HMCN1: variants seen among roughly 807,000 people sequenced by gnomAD.
HMCN1 encodes the protein hemicentin 1.
A neutral mutation model predicts 625.9 loss-of-function variants in HMCN1; 321 were observed. The observed-to-expected ratio is 0.51, with a 90% CI of 0.47 to 0.56. The LOEUF (loss-of-function observed/expected upper bound fraction) is 0.56. HMCN1 is among the 20% of genes least tolerant of loss of function. The probability of loss-of-function intolerance (pLI) is 0.00; values close to 1 mark genes in which losing one functional copy is unlikely to be tolerated. For synonymous variants in HMCN1, 2,425 were observed against 2,417.6 expected (o/e 1.00, Z -0.09); for missense variants, 6,588 against 6,887.3 (o/e 0.96, Z 1.54).
intron 71 of HMCN1, among the ~76,000 whole-genome samples, chr1:186,110,768 G>A (rs1189330198): frequency 3.9e-5 from 6 of 151,956 alleles, no homozygotes; most frequent in African/African-American, 1.2e-4. Context: ...GTCCAGAAGG[G>A]TCATCCATTT....
intron 71 of HMCN1, among the ~76,000 whole-genome samples, chr1:186,111,782 CAT>C (rs1007229151): frequency 5.9e-5 from 9 of 152,040 alleles, no homozygotes; most frequent in African/African-American, 1.7e-4. Context: ...TCAAAGGTAA[CAT>C]AATTTTATCA....
chr1:186,033,148 A>C (rs1655586371), intron 36 of HMCN1, among the ~76,000 whole-genome samples: 1 of 152,056 alleles, frequency 6.6e-6, no homozygotes, highest in Non-Finnish European at 1.5e-5. Context: ...TTTTGCAGCA[A>C]CTTGGATGGA....
chr1:186,103,762 A>G, intron 69 of HMCN1, 94 bp downstream of exon 69: 1 of 1,030,818 alleles, frequency 9.7e-7, no homozygotes, highest in South Asian at 1.5e-5. Context: ...TTGAATCCTT[A>G]TATATCACAG....
At chr1:186,170,567 AC>A (rs1328092381) in intron 100 of HMCN1, among the ~76,000 whole-genome samples, 1 of 152,196 alleles carries the variant, frequency 6.6e-6, no homozygotes, top group Non-Finnish European at 1.5e-5. Flanking sequence ...TCAGTGATAG[AC>A]TGGAAGGACT....
At chr1:185,750,290 A>G (rs904020802) in intron 1 of HMCN1, among the ~76,000 whole-genome samples, 5 of 152,202 alleles carry the variant, frequency 3.3e-5, no homozygotes, top group African/African-American at 1.2e-4. Context: ...TACTTTAAAA[A>G]GAAGTTTTAA....
intron 1 of HMCN1, among the ~76,000 whole-genome samples, chr1:185,828,628 A>C (rs143469661): frequency 6.6e-6 from 1 of 152,172 alleles, no homozygotes; most frequent in Non-Finnish European, 1.5e-5. Flanking sequence ...TCAAGTAGCC[A>C]TGGAGTGTTA....
At chr1:185,873,875 A>G (rs1571482820) in intron 4 of HMCN1, among the ~76,000 whole-genome samples, 1 of 152,114 alleles carries the variant, frequency 6.6e-6, no homozygotes, top group East Asian at 1.9e-4. Context: ...AAGATCTTAT[A>G]TAATTGTCTA....
chr1:186,159,281 CTT>C (rs1404933486), intron 97 of HMCN1, among the ~76,000 whole-genome samples: 1 of 152,192 alleles, frequency 6.6e-6, no homozygotes, highest in Non-Finnish European at 1.5e-5. Flanking sequence ...TATCCTGAGA[CTT>C]TGCTGAAGTT....
Position 186,081,375 on chromosome 1 carries a change from CT to C in HMCN1, c.8769del (p.Asn2924MetfsTer8). On this transcript the variant is annotated frameshift_variant, in exon 56 of 107. Transcript: ENST00000271588. LOFTEE classifies it high-confidence loss of function. ...GAAGATGACCATCATAAATTTCTAT[CT>C]AATGGACGAATTCTGCAGGTAAAAG... is the stretch of plus-strand genomic sequence containing the variant. ...LLEDDHHKFL[S>X]NGRILQILNT... 1 of 1,612,876 alleles carries C rather than the reference CT, an allele frequency of 6.2e-7. No individual in the cohort carries two copies. Among genetic ancestry groups the C allele is most frequent in the Non-Finnish European group, 8.5e-7 (1 of 1,179,050 alleles).
chr1:186,088,525 A>G, intron 62 of HMCN1, 81 bp from the exon 63 acceptor site: 1 of 1,510,160 alleles, frequency 6.6e-7, no homozygotes, highest in Non-Finnish European at 9.0e-7. Flanking sequence ...CACGTAAAGT[A>G]AGACATTTTA....
chr1:186,144,044 T>G, intron 89 of HMCN1, 129 bp from the exon 90 acceptor site: 1 of 751,514 alleles, frequency 1.3e-6, no homozygotes, highest in Non-Finnish European at 2.1e-6. Context: ...TTATGTTTCA[T>G]TTGGTTCAGT....
intron 71 of HMCN1, 75 bp downstream of exon 71, chr1:186,108,672 C>G: frequency 6.4e-7 from 1 of 1,550,692 alleles, no homozygotes; most frequent in Non-Finnish European, 8.8e-7. Flanking sequence ...AGGGCCTTTG[C>G]TGGGTACACA....
In HMCN1 at chr1:186,093,523, G is replaced by C; in HGVS notation, c.10050G>C (p.Glu3350Asp). ...TTAGGGGTAATAAAGATGAAGCAGAGAAACTAATGACTTTAGTGGATACTT... is the reference window on the plus strand; with the variant it reads ...TTAGGGGTAATAAAGATGAAGCAGACAAACTAATGACTTTAGTGGATACTT... Reference protein sequence around the residue: ...PTIRGNKDEAEKLMTLVDTSI... With the variant: ...PTIRGNKDEADKLMTLVDTSI... Residue 3350 changes from glutamate (E) to aspartate (D), a missense_variant, in exon 66 of 107, where the codon GAG (glutamate) becomes GAC (aspartate). Glu to Asp is a conservative substitution (Grantham distance 45). Transcript: ENST00000271588. 6.2e-7 allele frequency: 1 copy of C among 1,613,404 alleles called. No individual in the cohort carries two copies.
intron 15 of HMCN1, among the ~76,000 whole-genome samples, chr1:185,970,705 C>G (rs1650752390): frequency 6.6e-6 from 1 of 151,816 alleles, no homozygotes; most frequent in Non-Finnish European, 1.5e-5. Flanking sequence ...GTCACCCAGG[C>G]TGGAGTGCAG....
intron 1 of HMCN1, among the ~76,000 whole-genome samples, chr1:185,837,515 A>G (rs142696757): frequency 0.012 from 1,785 of 152,134 alleles, 37 homozygotes; most frequent in African/African-American, 0.041. Flanking sequence ...ATAAAAATTT[A>G]TGTATTTCAG....
intron 1 of HMCN1, among the ~76,000 whole-genome samples, chr1:185,819,655 C>T (rs1660065684): frequency 6.6e-6 from 1 of 152,088 alleles, no homozygotes; most frequent in Admixed American, 6.6e-5. Context: ...TCCTTAAAGC[C>T]TTTCTTCTTC....
intron 103 of HMCN1, among the ~76,000 whole-genome samples, chr1:186,177,750 CAA>C (rs917466949): frequency 1.3e-4 from 20 of 151,736 alleles, no homozygotes; most frequent in African/African-American, 4.6e-4. Context: ...AAATATTTGT[CAA>C]AAGAGAAAAA....
At chr1:186,090,339 A>G (rs559210358) in intron 63 of HMCN1, among the ~76,000 whole-genome samples, 1 of 152,070 alleles carries the variant, frequency 6.6e-6, no homozygotes, top group East Asian at 1.9e-4. Flanking sequence ...ATTTCCTCAG[A>G]CCTTTATGCC....
chr1:185,794,245 T>C (rs1294575002), intron 1 of HMCN1, among the ~76,000 whole-genome samples: 1 of 152,140 alleles, frequency 6.6e-6, no homozygotes, highest in Non-Finnish European at 1.5e-5. Context: ...AGCTACGCTC[T>C]CAGGCCCCAA....
Sources: allele counts gnomAD v4.1 joint callset (sites outside exome capture counted in the v4.1 genomes callset), GRCh38; gene constraint gnomAD v4.1.1; transcripts MANE v1.5; gene names NCBI Gene and HGNC (gene_info 2026-07-23, HGNC 2026-07-21).